MIB1: variants seen among roughly 807,000 people sequenced by gnomAD.
MIB1 encodes E3 ubiquitin-protein ligase MIB1.
A neutral mutation model predicts 124.5 loss-of-function variants in MIB1; 278 were observed. The ratio of observed to expected loss-of-function variants is 2.23; its 90% confidence interval spans 2.02 to 2.47. The LOEUF is 2.47. MIB1 is among the 30% of genes most tolerant of loss of function. The pLI is 0.00. For synonymous variants in MIB1, 446 were observed against 429.4 expected, an observed-to-expected ratio of 1.04 and a Z score of -0.48; for missense variants, 957 against 1,254.4, an observed-to-expected ratio of 0.76 and a Z score of 3.58.
chr18:21,802,793 T>C (rs1175327483), intron 9 of MIB1, among the ~76,000 whole-genome samples: 1 of 152,320 alleles, frequency 6.6e-6, no homozygotes, highest in East Asian at 1.9e-4. Context: ...CACTTGGACT[T>C]GTTGACTTTG....
At chr18:21,842,091 CAAAAAAAAAAAAAAA>C (rs376834305) in intron 13 of MIB1, among the ~76,000 whole-genome samples, 1 of 35,680 alleles carries the variant, frequency 2.8e-5, no homozygotes, top group Non-Finnish European at 4.1e-5. Context: ...GACCCTATCT[CAAAAAAAAAAAAAAA>C]AAAAAAAAAA....
intron 11 of MIB1, 85 bp downstream of exon 11, chr18:21,815,898 T>C: frequency 1.7e-6 from 2 of 1,197,984 alleles, no homozygotes; most frequent in Non-Finnish European, 2.4e-6. Flanking sequence ...AAGCATTCCT[T>C]TGTTACCGTT....
chr18:21,835,191 T>C (rs2042015518), intron 12 of MIB1, among the ~76,000 whole-genome samples: 1 of 152,204 alleles, frequency 6.6e-6, no homozygotes, highest in Non-Finnish European at 1.5e-5. Flanking sequence ...CAGGGAAGTA[T>C]ATTTTAGAAT....
chr18:21,842,848 T>C (rs1161694922), intron 13 of MIB1, among the ~76,000 whole-genome samples: 1 of 152,224 alleles, frequency 6.6e-6, no homozygotes, highest in Non-Finnish European at 1.5e-5. Context: ...AGATCTGTCT[T>C]TGAACTCTAC....
In MIB1 at chr18:21,781,415, A is replaced by G. The variant is rs528830699; in HGVS notation, c.908+1730A>G. ...TATATATATATATATATATATATATAAAATTATTATTATTATTTTTTGAGA... is the reference window on the plus strand; with the variant it reads ...TATATATATATATATATATATATATGAAATTATTATTATTATTTTTTGAGA... On this transcript the variant is annotated intron_variant, in intron 6 of 20. Transcript: ENST00000261537. Among the ~76,000 whole-genome samples, 563 of 99,430 alleles carry G rather than the reference A, an allele frequency of 5.7e-3. 8 individuals are homozygous for G. The highest frequency in any genetic ancestry group is 0.021 in the African/African-American group (528 of 24,786). 65.2% of individuals were successfully genotyped at this position (99,430 alleles called of 152,430 possible).
At chr18:21,708,673 A>G (rs981305158) in intron 1 of MIB1, among the ~76,000 whole-genome samples, 5 of 152,136 alleles carry the variant, frequency 3.3e-5, no homozygotes, top group African/African-American at 1.2e-4. Flanking sequence ...CAAAAAACCA[A>G]GTAACTGTTA....
At chr18:21,861,997 G>A (rs2146524752) in intron 20 of MIB1, among the ~76,000 whole-genome samples, 2 of 152,224 alleles carry the variant, frequency 1.3e-5, no homozygotes, top group Middle Eastern at 6.8e-3. Context: ...AAACTCCTGG[G>A]TTCAAGCAGT....
chr18:21,740,395 A>G (rs2040831447), upstream of MIB1, among the ~76,000 whole-genome samples: 1 of 152,196 alleles, frequency 6.6e-6, no homozygotes, highest in Non-Finnish European at 1.5e-5. Flanking sequence ...AAAACACACT[A>G]CTAACCTGCT....
At chr18:21,826,492 A>G (rs2041925530) in intron 12 of MIB1, 1 of 152,068 alleles carries the variant, frequency 6.6e-6, no homozygotes, top group Non-Finnish European at 1.5e-5. Context: ...TATTTCCTTG[A>G]CTAAGTTCTT....
chr18:21,741,746 G>C lies in MIB1; in HGVS notation c.163G>C (p.Gly55Arg). 6.2e-7 allele frequency: 1 copy of C among 1,611,196 alleles called. No homozygotes were observed. Among genetic ancestry groups the C allele is most frequent in the Non-Finnish European group, 8.5e-7 (1 of 1,179,228 alleles). ...GGAGGTGGTGGTAGTGTGGGACAAC[G>C]GCACAGCTGCCAACTACCGCTGCTC... ...PEEVVVVWDN[G>R]TAANYRCSGA... Residue 55 changes from glycine to arginine, a missense_variant, in exon 1 of 21, where the codon GGC becomes CGC. Coordinates refer to ENST00000261537, the MANE Select transcript of MIB1 (RefSeq NM_020774.4). This position sits in a 1 kb window ranked among gnomAD's most constrained non-coding sequence, Gnocchi z 5.4.
chr18:21,777,995 C>T (rs956102948), intron 4 of MIB1, 108 bp from the exon 5 acceptor site: 37 of 754,828 alleles, frequency 4.9e-5, no homozygotes, highest in Admixed American at 3.0e-4. Context: ...CTAGACTGTT[C>T]TTGATTTCTG....
At chr18:21,751,472 G>A (rs1488311959) in intron 1 of MIB1, among the ~76,000 whole-genome samples, 1 of 151,874 alleles carries the variant, frequency 6.6e-6, no homozygotes, top group Non-Finnish European at 1.5e-5. Flanking sequence ...TGTTGGCCAG[G>A]CTGGTCTCTG....
rs1000323695 is a variant in MIB1, at chr18:21,869,098, A to G, written c.*4432A>G. ...TTGTTTCATTGAGAATTTAAGCAGT[A>G]GGTACAGGAGAAGTGACTTGTCACA... is the stretch of plus-strand genomic sequence containing the variant. On this transcript the variant is annotated 3_prime_UTR_variant, in exon 21 of 21. Transcript: ENST00000261537. The G allele has an allele frequency of 6.6e-6, 1 of 152,522 alleles. No individual in the cohort carries two copies. The highest frequency in any genetic ancestry group is 1.5e-5 in the Non-Finnish European group (1 of 67,908). The allele number at this position is 152,522 out of a possible 1,614,324, so 9.4% of individuals were successfully genotyped here.
At chr18:21,763,743 T>C (rs1430091469) in intron 1 of MIB1, among the ~76,000 whole-genome samples, 1 of 152,144 alleles carries the variant, frequency 6.6e-6, no homozygotes, top group Non-Finnish European at 1.5e-5. Flanking sequence ...TCCTGACCCA[T>C]AGCTACCAAG....
chr18:21,776,250 C>CAG (rs745450799), intron 4 of MIB1, among the ~76,000 whole-genome samples: 14 of 136,340 alleles, frequency 1.0e-4, no homozygotes, highest in Non-Finnish European at 1.2e-4. Flanking sequence ...GCCTGGGCAA[C>CAG]AGAGAGAGAC....
intron 10 of MIB1, among the ~76,000 whole-genome samples, chr18:21,807,822 T>C (rs1651577333): frequency 1.3e-5 from 2 of 152,072 alleles, no homozygotes; most frequent in African/African-American, 4.8e-5. Flanking sequence ...AAGTGATTTG[T>C]TTTTTTATCA....
chr18:21,732,946 A>G (rs975604518), intron 1 of MIB1, among the ~76,000 whole-genome samples: 2 of 152,204 alleles, frequency 1.3e-5, no homozygotes, highest in African/African-American at 4.8e-5. Context: ...TTGGCTCTCC[A>G]GAAAGTCAAC....
chr18:21,765,311 G>T (rs1598599218), intron 1 of MIB1, among the ~76,000 whole-genome samples: 1 of 152,162 alleles, frequency 6.6e-6, no homozygotes, highest in Admixed American at 6.5e-5. Context: ...CAATATCTAA[G>T]GGTGGTAAAT....
chr18:21,719,246 G>A (rs999819322), intron 1 of MIB1, among the ~76,000 whole-genome samples: 2 of 151,958 alleles, frequency 1.3e-5, no homozygotes, highest in African/African-American at 4.8e-5. Flanking sequence ...TGAGGTGGGA[G>A]GATTGCTTGA....
Sources: gnomAD v4.1 joint callset for allele counts (sites outside exome capture counted in the v4.1 genomes callset) on GRCh38, gnomAD v4.1.1 for gene constraint, Gnocchi (gnomAD v3.1) non-coding constraint, MANE v1.5 for transcripts, NCBI Gene and HGNC (gene_info 2026-07-23, HGNC 2026-07-21) for gene names.